Variants in SHARPIN observed in about 807,000 individuals in gnomAD.
SHARPIN encodes the protein hSIPL1.
In SHARPIN, 25 loss-of-function variants were observed where a neutral mutation model predicts 40.3. That is an observed-to-expected ratio of 0.62 (90% CI 0.45 to 0.87). SHARPIN has a LOEUF of 0.87. SHARPIN is among the 40% of genes least tolerant of loss of function. The pLI, the probability that SHARPIN is intolerant of heterozygous loss-of-function variation, is 0.00. For synonymous variants in SHARPIN, 274 were observed against 221.8 expected (o/e 1.24, Z -2.09); for missense variants, 551 against 516.1 (o/e 1.07, Z -0.66).
At position 144,099,613 on chromosome 8, in the gene SHARPIN, T is replaced by A; in HGVS notation, c.665A>T (p.Gln222Leu). ...AGAGGCAGCGTCTTCAAGTGTGACC[T>A]GCAGCCTGTGCCAGAATGTGGGTTC... ...ACFPPGPIRL[Q>L]VTLEDAASAA... is the part of the protein sequence containing the mutation. The change falls in exon 5 of 9, where the codon CAG becomes CTG. Residue 222 changes from glutamine to leucine, a missense_variant. By Grantham distance (113) the Gln-to-Leu change is moderately radical. Coordinates refer to ENST00000398712, the MANE Select transcript of SHARPIN (RefSeq NM_030974.4). 6.2e-7 allele frequency: 1 copy of A among 1,613,932 alleles called. No individual in the cohort carries two copies. The highest frequency in any genetic ancestry group is 8.5e-7 in the Non-Finnish European group (1 of 1,179,924).
rs1484680240 is a variant in SHARPIN, at chr8:144,099,308, G to A, written c.891C>T (p.Leu297=). The change falls in exon 6 of 9, where the codon CTC becomes CTT. Residue 297 remains leucine, a synonymous_variant. Transcript: ENST00000398712. ...GVRQDGDPAF[L]YLLSAPREAP... is the part of the protein sequence containing the mutation. ...CTTCTCGAGGAGCTGACAGCAAGTAGAGGAAAGCAGGGTCCCCATCCTGCC... is the reference window on the plus strand; with the variant it reads ...CTTCTCGAGGAGCTGACAGCAAGTAAAGGAAAGCAGGGTCCCCATCCTGCC... 1.2e-6 allele frequency: 2 copies of A among 1,614,152 alleles called. No homozygotes were observed. Among genetic ancestry groups the A allele is most frequent in the Non-Finnish European group, 8.5e-7 (1 of 1,179,996 alleles).
Position 144,099,211 on chromosome 8 carries a change from G to A in SHARPIN, c.923-6C>T. ...CTGAGGGCTAGGTCCTGTGGCTGAG[G>A]GGGTGGAGCTCAGGACTGTGGGGCT... is the stretch of plus-strand genomic sequence containing the variant. On this transcript the variant is annotated splice_polypyrimidine_tract_variant and splice_region_variant and intron_variant, in intron 6 of 8. Coordinates refer to ENST00000398712, the MANE Select transcript of SHARPIN (RefSeq NM_030974.4). 6.2e-7 allele frequency: 1 copy of A among 1,607,776 alleles called. No homozygotes were observed. The highest frequency in any genetic ancestry group is 8.5e-7 in the Non-Finnish European group (1 of 1,177,616).
intron 3 of SHARPIN, 36 bp downstream of exon 3, chr8:144,099,893 T>TGCCCCCCCCCCCCCCCCCCCCCCCCCCC: frequency 1.3e-6 from 2 of 1,550,950 alleles, no homozygotes; most frequent in Non-Finnish European, 1.8e-6. Context: ...CTATCTGCTA[T>TGCCCCCCCCCCCCCCCCCCCCCCCCCCC]CCCCGAACCC....
In SHARPIN at chr8:144,102,999, G is replaced by C. The variant is rs140326885; in HGVS notation, c.376+52C>G. On this transcript the variant is annotated intron_variant, in intron 2 of 8. Transcript: ENST00000398712. ...GGATCCAACTTCCCCAACCAGGACT[G>C]GGGGGCCAAGGCTATTCCAAATTGT... is the stretch of plus-strand genomic sequence containing the variant. 71 of 1,606,286 alleles carry C rather than the reference G, an allele frequency of 4.4e-5. No individual in the cohort carries two copies. The African/African-American group carries it at 7.7e-4, about 18-fold the overall frequency.
chr8:144,099,494 C>G lies in SHARPIN; in HGVS notation c.768+16G>C. 6.2e-7 allele frequency: 1 copy of G among 1,611,902 alleles called. No homozygotes were observed. On this transcript the variant is annotated intron_variant, in intron 5 of 8. Coordinates refer to ENST00000398712, the MANE Select transcript of SHARPIN (RefSeq NM_030974.4). The stretch of plus-strand genomic sequence containing the variant: ...CTCCTCTGCCCCTGGCAGGGCTCCC[C>G]AGACCCTGTGCCCACCTGCTCCTGG...
At chr8:144,103,350 A>T in intron 1 of SHARPIN, 125 bp from the exon 2 acceptor site, 2 of 1,171,298 alleles carry the variant, frequency 1.7e-6, no homozygotes, top group South Asian at 3.1e-5. Flanking sequence ...CCTATCATCA[A>T]ATCCTCACAA....
chr8:144,099,765 G>A lies in SHARPIN; in HGVS notation c.597C>T (p.Ala199=), dbSNP rs1836249307. ...GAACACTCAGGGCCACACGATGCTG[G>A]GCCAGGACGGCTGCCACTTGGGCTG... The part of the protein sequence containing the change: ...KGAAQVAAVL[A]QHRVALSVQL... The change falls in exon 4 of 9, where the codon GCC becomes GCT. Residue 199 remains alanine (A), a synonymous_variant. Transcript: ENST00000398712. 5 of 1,613,082 alleles carry A rather than the reference G, an allele frequency of 3.1e-6. No homozygotes were observed. Among genetic ancestry groups the A allele is most frequent in the Non-Finnish European group, 4.2e-6 (5 of 1,179,988 alleles).
chr8:144,102,078 G>A (rs1186960542), intron 2 of SHARPIN, among the ~76,000 whole-genome samples: 1 of 152,040 alleles, frequency 6.6e-6, no homozygotes, highest in Non-Finnish European at 1.5e-5. Context: ...TTCCATTTAA[G>A]CAGCCATGTG....
intron 2 of SHARPIN, among the ~76,000 whole-genome samples, chr8:144,101,784 C>T (rs1010456943): frequency 5.9e-5 from 9 of 152,002 alleles, no homozygotes; most frequent in Non-Finnish European, 1.2e-4. Flanking sequence ...TCTGCCTCCT[C>T]CCCTCTAAAA....
At chr8:144,101,667 C>T (rs1365156780) in intron 2 of SHARPIN, among the ~76,000 whole-genome samples, 1 of 149,360 alleles carries the variant, frequency 6.7e-6, no homozygotes, top group Non-Finnish European at 1.5e-5. Flanking sequence ...CTGCCCACAT[C>T]GGCCTCCCAA....
chr8:144,103,498 T>A, intron 1 of SHARPIN, 55 bp downstream of exon 1: 1 of 1,508,496 alleles, frequency 6.6e-7, no homozygotes, highest in East Asian at 2.5e-5. Context: ...AACTTTGGGC[T>A]CCGTGCCCTG....
At position 144,100,003 on chromosome 8, in the gene SHARPIN, G is replaced by C. The variant is rs201069535; in HGVS notation, c.443C>G (p.Pro148Arg). Residue 148 changes from proline to arginine, a missense_variant, in exon 3 of 9, where the codon CCG becomes CGG. By Grantham distance (103) the Pro-to-Arg change is moderately radical. Coordinates refer to ENST00000398712, the MANE Select transcript of SHARPIN (RefSeq NM_030974.4). The part of the protein sequence containing the change: ...EACPVSLPSP[P>R]EASTLKGPPP... ...AGGGCCCTTGAGTGTGGAGGCTTCCGGGGGACTGGGCAGGGAGACAGGGCA... is the reference window on the plus strand; with the variant it reads ...AGGGCCCTTGAGTGTGGAGGCTTCCCGGGGACTGGGCAGGGAGACAGGGCA... 1 of 1,607,520 alleles carries C rather than the reference G, an allele frequency of 6.2e-7. No homozygotes were observed. The highest frequency in any genetic ancestry group is 8.5e-7 in the Non-Finnish European group (1 of 1,176,758).
rs1202067128 is a variant in SHARPIN at position 144,103,169 on chromosome 8, C to G, written c.258G>C (p.Gln86His). The G allele has an allele frequency of 6.2e-7, 1 of 1,613,572 alleles. No homozygotes were observed. Among genetic ancestry groups the G allele is most frequent in the East Asian group, 2.2e-5 (1 of 44,878 alleles). ...CTCCTGGTGGAGGCTGTAGCTCGTG[C>G]TGGGTGGGGCCTCGGATGGTGTAGG... ...SVSYTIRGPT[Q>H]HELQPPPGGP... The change falls in exon 2 of 9, where the codon CAG (glutamine) becomes CAC (histidine). Residue 86 changes from glutamine (Q) to histidine (H), a missense_variant. Coordinates refer to ENST00000398712, the MANE Select transcript of SHARPIN (RefSeq NM_030974.4).
Position 144,098,850 on chromosome 8 carries a change from G to A in SHARPIN, c.*12+16C>T, listed in dbSNP as rs34960192. 221 of 1,527,682 alleles carry A rather than the reference G, an allele frequency of 1.4e-4. No individual in the cohort carries two copies. Among genetic ancestry groups the A allele is most frequent in the South Asian group, 2.3e-4 (19 of 83,014 alleles). The allele number at this position is 1,527,682 out of a possible 1,614,324, so 94.6% of individuals were successfully genotyped here. On this transcript the variant is annotated intron_variant, in intron 8 of 8. Transcript: ENST00000398712. ...GCCCTGCCCCCCACCTCCCCTGCCT[G>A]TGCCACCTCTGGTACCTCTGGTGGC...
In SHARPIN at chr8:144,099,177, C is replaced by T. The variant is rs764258695; in HGVS notation, c.951G>A (p.Gln317=). ...AGCGTCCAAGTTCCCCGTCCATCTT[C>T]TGGGGGTGCTGAGGGCTAGGTCCTG... is the stretch of plus-strand genomic sequence containing the variant. The part of the protein sequence containing the change: ...PATGPSPQHP[Q]KMDGELGRLF... The change falls in exon 7 of 9, where the codon CAG becomes CAA. Residue 317 remains glutamine (Q), a synonymous_variant. Transcript: ENST00000398712. 40 of 1,593,902 alleles carry T rather than the reference C, an allele frequency of 2.5e-5. No homozygotes were observed. The highest frequency in any genetic ancestry group is 3.2e-5 in the Non-Finnish European group (37 of 1,171,698).
Position 144,099,178 on chromosome 8 carries a change from T to TGAA in SHARPIN, c.949_950insTTC (p.Pro316_Gln317insLeu). ...GCGTCCAAGTTCCCCGTCCATCTTCTGGGGGTGCTGAGGGCTAGGTCCTGT... is the reference window on the plus strand; with the variant it reads ...GCGTCCAAGTTCCCCGTCCATCTTCTGAAGGGGGTGCTGAGGGCTAGGTCCTGT... On this transcript the variant is annotated inframe_insertion, in exon 7 of 9. Coordinates refer to ENST00000398712, the MANE Select transcript of SHARPIN (RefSeq NM_030974.4). The TGAA allele has an allele frequency of 6.3e-7, 1 of 1,594,324 alleles. No homozygotes were observed. The highest frequency in any genetic ancestry group is 8.5e-7 in the Non-Finnish European group (1 of 1,171,876).
rs11541805 is a variant in SHARPIN at position 144,100,007 on chromosome 8, G to A, written c.439C>T (p.Pro147Ser). 0.034 allele frequency: 54,933 copies of A among 1,606,156 alleles called. 1,075 individuals are homozygous for A. The highest frequency in any genetic ancestry group is 0.041 in the Non-Finnish European group (48,143 of 1,175,976). Residue 147 changes from proline to serine, a missense_variant, in exon 3 of 9, where the codon CCC (proline) becomes TCC (serine). Transcript: ENST00000398712. Reference protein sequence around the residue: ...PEACPVSLPSPPEASTLKGPP... With the variant: ...PEACPVSLPSSPEASTLKGPP... ...CCCTTGAGTGTGGAGGCTTCCGGGG[G>A]ACTGGGCAGGGAGACAGGGCATGCT...
At position 144,103,348 on chromosome 8, in the gene SHARPIN, C is replaced by A; in HGVS notation, c.202-123G>T. The A allele has an allele frequency of 4.3e-6, 5 of 1,175,990 alleles. No individual in the cohort carries two copies. The South Asian group carries it at 6.1e-5, about 14-fold the overall frequency. The allele number at this position is 1,175,990 out of a possible 1,614,324, so 72.8% of individuals were successfully genotyped here. A position where few individuals can be genotyped will look rare whatever the true frequency, so the allele number is the denominator to read the frequency against. ...GTCCTAAGCCCTGTACGCCTATCATCAAATCCTCACAATAGCCCTGTAAAG... is the reference window on the plus strand; with the variant it reads ...GTCCTAAGCCCTGTACGCCTATCATAAAATCCTCACAATAGCCCTGTAAAG... On this transcript the variant is annotated intron_variant, in intron 1 of 8. Transcript: ENST00000398712.
chr8:144,101,890 A>T (rs1307361970), intron 2 of SHARPIN, among the ~76,000 whole-genome samples: 1 of 152,166 alleles, frequency 6.6e-6, no homozygotes, highest in African/African-American at 2.4e-5. Flanking sequence ...TTGGTGAATG[A>T]CTAAAGAGAG....
Sources: gnomAD v4.1 joint callset for allele counts (sites outside exome capture counted in the v4.1 genomes callset) on GRCh38, gnomAD v4.1.1 for gene constraint, MANE v1.5 for transcripts, NCBI Gene and HGNC (gene_info 2026-07-23, HGNC 2026-07-21) for gene names.